TENM2: variants seen among roughly 807,000 people sequenced by gnomAD.
The protein encoded by TENM2 is teneurin transmembrane protein 2, also known as teneurin-2.
In TENM2, 52 loss-of-function variants were observed where a neutral mutation model predicts 245.2. The observed-to-expected ratio is 0.21, with a 90% CI of 0.17 to 0.27. The LOEUF (loss-of-function observed/expected upper bound fraction) is 0.27, where lower values mean the gene tolerates loss of function less well. TENM2 is among the 10% of genes least tolerant of loss of function. The pLI is 1.00. For missense variants in TENM2, 3,046 were observed against 3,666.8 expected, an observed-to-expected ratio of 0.83 and a Z score of 4.37; for synonymous variants, 1,363 against 1,438.9, an observed-to-expected ratio of 0.95 and a Z score of 1.19.
At chr5:167,895,730 C>A (rs1268819437) in intron 3 of TENM2, among the ~76,000 whole-genome samples, 1 of 152,174 alleles carries the variant, frequency 6.6e-6, no homozygotes, top group African/African-American at 2.4e-5. Context: ...GTTTCTCTGG[C>A]CTGGGGCCCA....
the TENM2 span, among the ~76,000 whole-genome samples, chr5:167,000,059 G>C: frequency 6.6e-6 from 1 of 152,146 alleles, no homozygotes; most frequent in Admixed American, 6.5e-5. Context: ...GATTGTGTTA[G>C]ATGCTGTAGA....
At chr5:167,239,553 G>GT in the TENM2 span, among the ~76,000 whole-genome samples, 2 of 152,064 alleles carry the variant, frequency 1.3e-5, no homozygotes, top group Non-Finnish European at 2.9e-5. Flanking sequence ...GGGTACCTAT[G>GT]TTTATCCCAG....
chr5:168,111,159 A>G (rs1195349532), intron 9 of TENM2, among the ~76,000 whole-genome samples: 1 of 152,204 alleles, frequency 6.6e-6, no homozygotes, highest in South Asian at 2.1e-4. Flanking sequence ...CTTTCCCCAC[A>G]TGGCTCCTGA....
At chr5:167,042,617 G>A in the TENM2 span, among the ~76,000 whole-genome samples, 1 of 152,142 alleles carries the variant, frequency 6.6e-6, no homozygotes, top group Non-Finnish European at 1.5e-5. Flanking sequence ...CCTTTGATGT[G>A]TCTATAAAGA....
At chr5:167,695,321 C>T (rs532196082) in intron 2 of TENM2, among the ~76,000 whole-genome samples, 5 of 152,182 alleles carry the variant, frequency 3.3e-5, no homozygotes, top group East Asian at 3.9e-4. Flanking sequence ...GTAGGTAAAA[C>T]GTAAGGAATG....
intron 2 of TENM2, among the ~76,000 whole-genome samples, chr5:167,591,209 G>A (rs1775856938): frequency 6.6e-6 from 1 of 152,154 alleles, no homozygotes; most frequent in Non-Finnish European, 1.5e-5. Context: ...TCATACAATA[G>A]CCATATTTTA....
chr5:167,417,175 G>A (rs1313739138), intron 2 of TENM2, among the ~76,000 whole-genome samples: 1 of 152,158 alleles, frequency 6.6e-6, no homozygotes, highest in African/African-American at 2.4e-5. Flanking sequence ...AAGGGTGTCT[G>A]TCACTTCTTC....
chr5:167,635,631 G>GTTTTTTTT (rs1561623173), intron 2 of TENM2, among the ~76,000 whole-genome samples: 4 of 90,972 alleles, frequency 4.4e-5, no homozygotes, highest in East Asian at 6.0e-4. Flanking sequence ...GATCAGTACA[G>GTTTTTTTT]TCTTTTTTTT....
chr5:167,360,854 G>A (rs368032507), intron 1 of TENM2, among the ~76,000 whole-genome samples: 1 of 152,246 alleles, frequency 6.6e-6, no homozygotes, highest in East Asian at 1.9e-4. Context: ...CAAACCATAA[G>A]TAGTGGAATA....
intron 9 of TENM2, among the ~76,000 whole-genome samples, chr5:168,102,380 T>C (rs987687915): frequency 6.6e-6 from 1 of 152,218 alleles, no homozygotes; most frequent in Non-Finnish European, 1.5e-5. Flanking sequence ...GCGATAAATT[T>C]ATTTTAAAAA....
At chr5:167,984,710 G>A (rs1158064958) in intron 4 of TENM2, among the ~76,000 whole-genome samples, 1 of 152,104 alleles carries the variant, frequency 6.6e-6, no homozygotes, top group African/African-American at 2.4e-5. Context: ...TGTTATATTT[G>A]CAAACAGGAA....
intron 3 of TENM2, among the ~76,000 whole-genome samples, chr5:167,881,745 A>G (rs1476052762): frequency 6.6e-6 from 1 of 152,176 alleles, no homozygotes. Flanking sequence ...TGGGTAGTAC[A>G]GGCTAAGTCC....
intron 2 of TENM2, among the ~76,000 whole-genome samples, chr5:167,867,795 C>G (rs566995447): frequency 3.9e-4 from 60 of 152,148 alleles, no homozygotes; most frequent in Admixed American, 1.9e-3. Context: ...TCCATAAAGG[C>G]CACCCAACCC....
At position 167,712,033 on chromosome 5, in the gene TENM2, G is replaced by C. The variant is rs552568548; in HGVS notation, c.503-163953G>C. Reference sequence around the variant, plus strand: ...ATGAAAAATACTGTCTTTGTTAGCAGAGCATTCATCATCCTAAAATAAACT... The same window carrying C: ...ATGAAAAATACTGTCTTTGTTAGCACAGCATTCATCATCCTAAAATAAACT... On this transcript the variant is annotated intron_variant, in intron 2 of 28. Transcript: ENST00000518659. Among the ~76,000 whole-genome samples, 12 of 152,240 alleles carry C rather than the reference G, an allele frequency of 7.9e-5. No individual in the cohort carries two copies. In the South Asian group the frequency reaches 2.5e-3, roughly 32 times the overall value.
intron 2 of TENM2, among the ~76,000 whole-genome samples, chr5:167,382,800 A>G (rs1266617334): frequency 1.3e-5 from 2 of 152,236 alleles, no homozygotes; most frequent in African/African-American, 2.4e-5. Flanking sequence ...TTTTTGTAGT[A>G]TTTTATGCAA....
At chr5:167,216,328 A>G in the TENM2 span, among the ~76,000 whole-genome samples, 4 of 152,200 alleles carry the variant, frequency 2.6e-5, no homozygotes, top group African/African-American at 9.6e-5. Context: ...AGGAGGAAGA[A>G]GGAACAGAGG....
chr5:167,666,083 C>A (rs778512673), intron 2 of TENM2, among the ~76,000 whole-genome samples: 3 of 152,158 alleles, frequency 2.0e-5, no homozygotes, highest in Admixed American at 6.5e-5. Context: ...CAAGATGTGG[C>A]ATTTGCCTTT....
chr5:168,179,895 G>A (rs1581552155), intron 13 of TENM2, among the ~76,000 whole-genome samples: 2 of 152,326 alleles, frequency 1.3e-5, no homozygotes, highest in East Asian at 1.9e-4. Context: ...ACCAACCATT[G>A]GTTCTCATTA....
chr5:167,631,391 G>C (rs1474606177), intron 2 of TENM2, among the ~76,000 whole-genome samples: 1 of 152,106 alleles, frequency 6.6e-6, no homozygotes, highest in East Asian at 1.9e-4. Flanking sequence ...GAGTGTTCTC[G>C]GCAGAGAAAA....
Sources: allele counts gnomAD v4.1 joint callset (sites outside exome capture counted in the v4.1 genomes callset), GRCh38; gene constraint gnomAD v4.1.1; transcripts MANE v1.5; gene names NCBI Gene and HGNC (gene_info 2026-07-23, HGNC 2026-07-21).